Variants in PRRX1 observed in about 807,000 individuals in gnomAD.
The protein encoded by PRRX1 is paired mesoderm homeobox protein 1.
Under a neutral mutation model 24.0 loss-of-function variants are expected in PRRX1, and 8 were observed. The observed-to-expected ratio is 0.33, with a 90% confidence interval of 0.20 to 0.60. PRRX1 has a LOEUF of 0.60. Among genes scored for constraint, PRRX1 ranks in the 20% least tolerant of loss-of-function variants. The pLI is 0.82. For missense variants in PRRX1, 281 were observed against 322.4 expected, an observed-to-expected ratio of 0.87 and a Z score of 0.98; for synonymous variants, 160 against 131.7, an observed-to-expected ratio of 1.22 and a Z score of -1.47.
intron 1 of PRRX1, among the ~76,000 whole-genome samples, chr1:170,694,910 AGG>A (rs1654115965): frequency 6.6e-6 from 1 of 152,162 alleles, no homozygotes; most frequent in Non-Finnish European, 1.5e-5. Flanking sequence ...AGGAGGCTAA[AGG>A]CATCAATGCT....
At chr1:170,692,311 A>ACTT (rs1275629107) in intron 1 of PRRX1, among the ~76,000 whole-genome samples, 2 of 152,150 alleles carry the variant, frequency 1.3e-5, no homozygotes, top group Non-Finnish European at 2.9e-5. Flanking sequence ...TTGTTTCAAT[A>ACTT]CTTTTGATTA....
chr1:170,714,382 A>T (rs2101913510), intron 1 of PRRX1, among the ~76,000 whole-genome samples: 1 of 152,302 alleles, frequency 6.6e-6, no homozygotes, highest in Admixed American at 6.5e-5. Context: ...AGCGGGCTGC[A>T]CTTTAGATCC....
chr1:170,699,754 GAGA>G (rs1244812492), intron 1 of PRRX1, among the ~76,000 whole-genome samples: 1 of 151,988 alleles, frequency 6.6e-6, no homozygotes, highest in Non-Finnish European at 1.5e-5. Flanking sequence ...GAATGGATTT[GAGA>G]AGGAGTCTCG....
rs377126967 is a variant in PRRX1, at chr1:170,664,254, A to G, written c.36A>G (p.Gln12=). The G allele has an allele frequency of 2.5e-6, 4 of 1,612,374 alleles. No individual in the cohort carries two copies. The African/African-American group carries it at 5.3e-5, about 22-fold the overall frequency. Residue 12 remains glutamine, a synonymous_variant, in exon 1 of 4, where the codon CAA becomes CAG. Transcript: ENST00000239461. ...GCTACGGGCACGTTCTGGAGCGGCA[A>G]CCGGCGCTGGGCGGCCGCTTGGACA... ...TSSYGHVLER[Q]PALGGRLDSP...
chr1:170,715,038 G>A (rs1278251470), intron 1 of PRRX1, among the ~76,000 whole-genome samples: 3 of 152,030 alleles, frequency 2.0e-5, no homozygotes, highest in Non-Finnish European at 4.4e-5. Flanking sequence ...CGCTTTTCTA[G>A]TAAAAGATAA....
At chr1:170,686,177 T>TAAA (rs768362007) in intron 1 of PRRX1, among the ~76,000 whole-genome samples, 2 of 60,598 alleles carry the variant, frequency 3.3e-5, no homozygotes, top group African/African-American at 1.4e-4. Context: ...TAGTTAAGGG[T>TAAA]ACAAAAAAAA....
intron 1 of PRRX1, among the ~76,000 whole-genome samples, chr1:170,709,138 A>C (rs1401561949): frequency 6.6e-6 from 1 of 152,194 alleles, no homozygotes; most frequent in Non-Finnish European, 1.5e-5. Flanking sequence ...ATAATTACAG[A>C]CTGTCATAAG....
chr1:170,696,728 G>C (rs1654183146), intron 1 of PRRX1, among the ~76,000 whole-genome samples: 1 of 152,078 alleles, frequency 6.6e-6, no homozygotes, highest in Non-Finnish European at 1.5e-5. Flanking sequence ...TACTTTCTTT[G>C]CTTCTAAGCA....
At chr1:170,675,065 T>C (rs1653269127) in intron 1 of PRRX1, among the ~76,000 whole-genome samples, 1 of 152,208 alleles carries the variant, frequency 6.6e-6, no homozygotes, top group Non-Finnish European at 1.5e-5. Context: ...ACCCACTTGC[T>C]CTGATCAGAA....
chr1:170,668,258 C>A (rs1195255810), intron 1 of PRRX1: 3 of 152,112 alleles, frequency 2.0e-5, no homozygotes, highest in Non-Finnish European at 4.4e-5. Context: ...AATAGGCAGA[C>A]CTACTTCAAT....
intron 1 of PRRX1, among the ~76,000 whole-genome samples, chr1:170,687,681 A>C (rs1422406200): frequency 6.6e-6 from 1 of 152,176 alleles, no homozygotes; most frequent in East Asian, 1.9e-4. Context: ...TCCCTGCTTC[A>C]TGGAAGTTAT....
At chr1:170,689,101 C>G (rs1653843016) in intron 1 of PRRX1, among the ~76,000 whole-genome samples, 1 of 152,086 alleles carries the variant, frequency 6.6e-6, no homozygotes, top group Non-Finnish European at 1.5e-5. Flanking sequence ...CTTTTCTAAT[C>G]CATTGGTTCC....
At chr1:170,688,621 C>T (rs781365685) in intron 1 of PRRX1, among the ~76,000 whole-genome samples, 3 of 152,034 alleles carry the variant, frequency 2.0e-5, no homozygotes, top group South Asian at 4.1e-4. Context: ...CTGACTATAT[C>T]GTTTCATAGA....
chr1:170,691,013 A>G (rs1289264810), intron 1 of PRRX1, among the ~76,000 whole-genome samples: 1 of 152,144 alleles, frequency 6.6e-6, no homozygotes, highest in Non-Finnish European at 1.5e-5. Context: ...TTGAGAGGAT[A>G]ATGTAATGAA....
chr1:170,685,153 T>C (rs1653687586), intron 1 of PRRX1, among the ~76,000 whole-genome samples: 1 of 152,194 alleles, frequency 6.6e-6, no homozygotes, highest in Admixed American at 6.5e-5. Context: ...TTATTTGAGG[T>C]TTATCTCTTC....
At chr1:170,677,834 A>G (rs1389764045) in intron 1 of PRRX1, among the ~76,000 whole-genome samples, 1 of 152,240 alleles carries the variant, frequency 6.6e-6, no homozygotes, top group African/African-American at 2.4e-5. Context: ...TAAAGATTTT[A>G]CAGGGATTTA....
intron 1 of PRRX1, among the ~76,000 whole-genome samples, chr1:170,706,994 G>A (rs1654590028): frequency 6.6e-6 from 1 of 151,898 alleles, no homozygotes; most frequent in African/African-American, 2.4e-5. Context: ...GCATGGTGGT[G>A]TGCAACTGCA....
upstream of PRRX1, chr1:170,663,894 A>C (rs1652811957): frequency 6.6e-6 from 2 of 301,056 alleles, no homozygotes; most frequent in South Asian, 1.6e-4. Context: ...CCTGACTTGA[A>C]CATAGGGTGA....
intron 1 of PRRX1, chr1:170,669,446 A>AAACAAAAAAAAAAAAAAAAAAAAAAAAAC (rs1653067600): frequency 6.9e-6 from 1 of 145,820 alleles, no homozygotes. Flanking sequence ...AAAAAAAAAA[A>AAACAAAAAAAAAAAAAAAAAAAAAAAAAC]AAAAAAAATT....
Sources: allele counts gnomAD v4.1 joint callset (sites outside exome capture counted in the v4.1 genomes callset), GRCh38; gene constraint gnomAD v4.1.1; transcripts MANE v1.5; gene names NCBI Gene and HGNC (gene_info 2026-07-23, HGNC 2026-07-21).